PPP1R3F: variants seen among roughly 807,000 people sequenced by gnomAD.
PPP1R3F encodes protein phosphatase 1 regulatory subunit 3F, also known as protein phosphatase 1, regulatory (inhibitor) subunit 3F.
A neutral mutation model predicts 24.2 loss-of-function variants in PPP1R3F; 29 were observed. The ratio of observed to expected loss-of-function variants is 1.20; its 90% CI spans 0.89 to 1.63. The LOEUF (loss-of-function observed/expected upper bound fraction) is 1.63, where lower values mean the gene tolerates loss of function less well. Ranked by LOEUF, PPP1R3F falls within the 40% of genes most tolerant of loss-of-function variation. PPP1R3F has a pLI of 0.00. For missense variants in PPP1R3F, 823 were observed against 729.3 expected, an observed-to-expected ratio of 1.13 and a Z score of -1.48; for synonymous variants, 363 against 340.1, an observed-to-expected ratio of 1.07 and a Z score of -0.74.
rs1475474663 is a variant in PPP1R3F at position 49,269,926 on chromosome X, G to A, written c.57G>A (p.Pro19=). The A allele has an allele frequency of 1.1e-6, 1 of 906,608 alleles. No homozygotes were observed. Among genetic ancestry groups the A allele is most frequent in the Non-Finnish European group, 1.4e-6 (1 of 736,211 alleles). 74.7% of individuals were successfully genotyped at this position (906,608 alleles called of 1,213,427 possible). A position where few individuals can be genotyped will look rare whatever the true frequency, so the allele number is the denominator to read the frequency against. ...PPLRHSAPPS[P]AAGEPRTSVE... ...TGCGGCATTCCGCGCCCCCCTCGCCGGCCGCGGGTGAGCCCCGCACCTCGG... is the reference window on the plus strand; with the variant it reads ...TGCGGCATTCCGCGCCCCCCTCGCCAGCCGCGGGTGAGCCCCGCACCTCGG... The change falls in exon 1 of 4, where the codon CCG becomes CCA. Residue 19 remains proline, a synonymous_variant. Coordinates refer to ENST00000055335, the MANE Select transcript of PPP1R3F (RefSeq NM_033215.5).
chrX:49,280,234 T>TTTTTGTTTTGTTTTG (rs3060512), intron 1 of PPP1R3F, among the ~76,000 whole-genome samples: 1 of 106,778 alleles, frequency 9.4e-6, no homozygotes, highest in South Asian at 4.3e-4. Context: ...AGAAAAGGTG[T>TTTTTGTTTTGTTTTG]TTTTGTTTTG....
At chrX:49,271,879 G>A (rs1220079379) in intron 1 of PPP1R3F, among the ~76,000 whole-genome samples, 1 of 112,075 alleles carries the variant, frequency 8.9e-6, no homozygotes, top group African/African-American at 3.2e-5. Flanking sequence ...GAAATAATCA[G>A]TTATACCCCA....
In PPP1R3F at chrX:49,282,042, A is replaced by G. The variant is rs1557120787; in HGVS notation, c.1122A>G (p.Pro374=). Residue 374 remains proline, a synonymous_variant, in exon 3 of 4, where the codon CCA becomes CCG. Coordinates refer to ENST00000055335, the MANE Select transcript of PPP1R3F (RefSeq NM_033215.5). The stretch of plus-strand genomic sequence containing the variant: ...TGGTAGCCCCCACCCCTCTCCGTCC[A>G]TGGCCCCAGATGACACTTCAGGTAA... ...GPLVAPTPLR[P]WPQMTLQVSD... is the part of the protein sequence containing the mutation. The G allele has an allele frequency of 8.3e-7, 1 of 1,206,596 alleles. No homozygotes were observed. Among genetic ancestry groups the G allele is most frequent in the South Asian group, 1.8e-5 (1 of 56,771 alleles).
intron 1 of PPP1R3F, 184 bp from the exon 2 acceptor site, chrX:49,281,222 C>T (rs1202916776): frequency 3.1e-5 from 10 of 317,485 alleles, no homozygotes; most frequent in Admixed American, 5.9e-5. Context: ...CTGTATTTTG[C>T]GAATTTTCTA....
rs1557118805 is a variant in PPP1R3F at position 49,270,378 on chromosome X, T to G, written c.509T>G (p.Val170Gly). The G allele has an allele frequency of 8.6e-7, 1 of 1,160,383 alleles. No homozygotes were observed. Among genetic ancestry groups the G allele is most frequent in the Non-Finnish European group, 1.1e-6 (1 of 876,056 alleles). Residue 170 changes from valine to glycine, a missense_variant, in exon 1 of 4, where the codon GTG becomes GGG. Val to Gly is a moderately radical substitution (Grantham distance 109, BLOSUM62 -3). Coordinates refer to ENST00000055335, the MANE Select transcript of PPP1R3F (RefSeq NM_033215.5). ...CCGGTGCTGCGCGGGTTGGTACGCGTGCTGAACCGCTCCTTCGAGAAGGCG... is the reference window on the plus strand; with the variant it reads ...CCGGTGCTGCGCGGGTTGGTACGCGGGCTGAACCGCTCCTTCGAGAAGGCG... The part of the protein sequence containing the change: ...RPPVLRGLVR[V>G]LNRSFEKAVH...
At chrX:49,277,336 AGATGGCCCCTTT>A (rs1557120149) in intron 1 of PPP1R3F, among the ~76,000 whole-genome samples, 2 of 112,279 alleles carry the variant, frequency 1.8e-5, no homozygotes, top group African/African-American at 6.5e-5. Flanking sequence ...TGCAGGCCTG[AGATGGCCCCTTT>A]TAGTCGACAC....
rs1557118666 is a variant in PPP1R3F at position 49,270,157 on chromosome X, G to A, written c.288G>A (p.Glu96=). 1.8e-6 allele frequency: 2 copies of A among 1,090,361 alleles called. No homozygotes were observed. The highest frequency in any genetic ancestry group is 3.7e-5 in the East Asian group (1 of 27,048). 89.9% of individuals were successfully genotyped at this position (1,090,361 alleles called of 1,213,427 possible). A position where few individuals can be genotyped will look rare whatever the true frequency, so the allele number is the denominator to read the frequency against. ...GGGATGAAGGGGAGGAGGAAGAGGA[G>A]GCTTGCCCCGAGCCCTCACCGCTGT... The part of the protein sequence containing the change: ...EDGDEGEEEE[E]ACPEPSPLCP... Residue 96 remains glutamate (E), a synonymous_variant, in exon 1 of 4, where the codon GAG becomes GAA. Coordinates refer to ENST00000055335, the MANE Select transcript of PPP1R3F (RefSeq NM_033215.5).
In PPP1R3F at chrX:49,286,526, G is replaced by A. The variant is rs143473782; in HGVS notation, c.1836G>A (p.Thr612=). Residue 612 remains threonine (T), a synonymous_variant, in exon 4 of 4, where the codon ACG becomes ACA. Coordinates refer to ENST00000055335, the MANE Select transcript of PPP1R3F (RefSeq NM_033215.5). ...CCGGGGCCCGTTCTGTGGTAGCCAC[G>A]ATGGGAGATGTGTGGCTCCCATGGG... ...ILSGARSVVA[T]MGDVWLPWAE... is the part of the protein sequence containing the mutation. 2.7e-5 allele frequency: 33 copies of A among 1,209,843 alleles called. No individual in the cohort carries two copies. The African/African-American group carries it at 4.9e-4, about 18-fold the overall frequency.
chrX:49,276,854 T>G (rs1235139510), intron 1 of PPP1R3F, among the ~76,000 whole-genome samples: 1 of 112,204 alleles, frequency 8.9e-6, no homozygotes, highest in South Asian at 3.7e-4. Context: ...CCCTGTTCTT[T>G]TCAGAAAGCA....
chrX:49,276,871 T>C (rs1557120076), intron 1 of PPP1R3F, among the ~76,000 whole-genome samples: 1 of 112,162 alleles, frequency 8.9e-6, no homozygotes, highest in Non-Finnish European at 1.9e-5. Context: ...AGCAGATGGC[T>C]CAGGGTAACT....
chrX:49,299,819 A>C (rs1444196729), intron 3 of PPP1R3F, among the ~76,000 whole-genome samples: 1 of 111,469 alleles, frequency 9.0e-6, no homozygotes, highest in Non-Finnish European at 1.9e-5. Context: ...GTGAGGGGAA[A>C]ACTGCCTACT....
chrX:49,288,443 C>A (rs988108574), downstream of PPP1R3F, among the ~76,000 whole-genome samples: 19 of 112,557 alleles, frequency 1.7e-4, no homozygotes, highest in Non-Finnish European at 1.1e-4. Flanking sequence ...TTTGTAGGTT[C>A]AATGCAAATC....
intron 1 of PPP1R3F, among the ~76,000 whole-genome samples, chrX:49,272,491 TG>T (rs1487868939): frequency 8.9e-6 from 1 of 112,563 alleles, no homozygotes; most frequent in Admixed American, 9.4e-5. Context: ...GAACCGAGTC[TG>T]GCTCAAAGTA....
chrX:49,300,217 C>G lies in PPP1R3F; in HGVS notation c.393-1134C>G, dbSNP rs186324553. Among the ~76,000 whole-genome samples, 7 of 110,963 alleles carry G rather than the reference C, an allele frequency of 6.3e-5. No individual in the cohort carries two copies. In the East Asian group the frequency reaches 2.0e-3, roughly 32 times the overall value. ...AGCATAGTATCTGGGCCTGGATGCA[C>G]CGTTCATCACAGCACAGTTCCTCAT... On this transcript the variant is annotated intron_variant, in intron 3 of 3. Transcript: ENST00000471261.
intron 1 of PPP1R3F, among the ~76,000 whole-genome samples, chrX:49,276,780 C>T (rs1468938148): frequency 8.9e-6 from 1 of 112,078 alleles, no homozygotes; most frequent in Admixed American, 9.4e-5. Context: ...GAGGCTGACA[C>T]ACTTGTTGGG....
intron 3 of PPP1R3F, among the ~76,000 whole-genome samples, chrX:49,299,985 T>C (rs1357225474): frequency 1.8e-5 from 2 of 111,870 alleles, no homozygotes; most frequent in African/African-American, 6.5e-5. Flanking sequence ...ACCACATGGC[T>C]CCCTGGCTTT....
At chrX:49,298,355 G>A (rs148791906) in intron 3 of PPP1R3F, among the ~76,000 whole-genome samples, 3,671 of 111,909 alleles carry the variant, frequency 0.033, 135 homozygotes, top group African/African-American at 0.11. Context: ...ACTCTCTTCT[G>A]GCTTGTAGGG....
At chrX:49,274,709 C>T (rs937024704) in intron 1 of PPP1R3F, 1 of 112,154 alleles carries the variant, frequency 8.9e-6, no homozygotes, top group Non-Finnish European at 1.9e-5. Flanking sequence ...CCTAGCAGTT[C>T]TACTATATTT....
Position 49,270,618 on chromosome X carries a change from C to G in PPP1R3F, c.749C>G (p.Ala250Gly). Reference sequence around the variant, plus strand: ...CGCTTTGCCTTCCAGCTGCCCTTTGCTGAGGGCGCGGGCGATGGGGCGCGC... The same window carrying G: ...CGCTTTGCCTTCCAGCTGCCCTTTGGTGAGGGCGCGGGCGATGGGGCGCGC... ...TDRFAFQLPF[A>G]EGAGDGARLD... The change falls in exon 1 of 4, where the codon GCT becomes GGT. Residue 250 changes from alanine to glycine, a missense_variant. Ala to Gly is a moderately conservative substitution (Grantham distance 60). Transcript: ENST00000055335. 8.3e-7 allele frequency: 1 copy of G among 1,206,180 alleles called. No homozygotes were observed. The highest frequency in any genetic ancestry group is 2.2e-5 in the Admixed American group (1 of 45,919).
Sources: allele counts gnomAD v4.1 joint callset (sites outside exome capture counted in the v4.1 genomes callset), GRCh38; gene constraint gnomAD v4.1.1; transcripts MANE v1.5; gene names NCBI Gene and HGNC (gene_info 2026-07-23, HGNC 2026-07-21).